Variants in MNAT1 observed in about 807,000 individuals in gnomAD.
MNAT1 encodes the protein MNAT1 component of CDK activating kinase.
MNAT1 carries 43 observed loss-of-function variants against 42.0 expected under a neutral mutation model. That is an observed-to-expected ratio of 1.02 (90% CI 0.80 to 1.32). MNAT1 has a LOEUF of 1.32. Among genes scored for constraint, MNAT1 ranks in the 40% most tolerant of loss-of-function variants. MNAT1 has a pLI of 0.00. For synonymous variants in MNAT1, 118 were observed against 120.0 expected (o/e 0.98, Z 0.11); for missense variants, 306 against 350.4 (o/e 0.87, Z 1.01).
At chr14:60,871,302 T>G (rs1164869033) in intron 6 of MNAT1, among the ~76,000 whole-genome samples, 1 of 152,210 alleles carries the variant, frequency 6.6e-6, no homozygotes, top group African/African-American at 2.4e-5. Flanking sequence ...GGGTAGATAC[T>G]TATAAGTGGA....
intron 1 of MNAT1, among the ~76,000 whole-genome samples, chr14:60,753,202 C>T (rs537708105): frequency 4.6e-5 from 7 of 152,292 alleles, no homozygotes; most frequent in Admixed American, 3.3e-4. Flanking sequence ...CTCAGGGTGT[C>T]TCATGAGATT....
chr14:60,831,253 C>T (rs1015869855), intron 6 of MNAT1, among the ~76,000 whole-genome samples: 15 of 152,002 alleles, frequency 9.9e-5, no homozygotes, highest in African/African-American at 2.9e-4. Context: ...TAGGTATACA[C>T]GAGCCATGGT....
chr14:60,950,657 A>T (rs1338166317), intron 7 of MNAT1, among the ~76,000 whole-genome samples: 3 of 152,146 alleles, frequency 2.0e-5, no homozygotes, highest in African/African-American at 7.2e-5. Flanking sequence ...GTGTGGCCCG[A>T]GACAATTTTT....
At chr14:60,797,930 AAAAAAT>A (rs1324737225) in intron 2 of MNAT1, among the ~76,000 whole-genome samples, 151 bp from the exon 3 acceptor site, 4 of 152,326 alleles carry the variant, frequency 2.6e-5, no homozygotes, top group African/African-American at 9.6e-5. Context: ...ACTCCATCTC[AAAAAAT>A]AAAAATAAAA....
intron 7 of MNAT1, among the ~76,000 whole-genome samples, chr14:60,939,557 A>C (rs1198709821): frequency 6.6e-6 from 1 of 152,114 alleles, no homozygotes; most frequent in Non-Finnish European, 1.5e-5. Context: ...TGAGTTTCTT[A>C]ATCCTGAATT....
At chr14:60,744,280 T>A (rs555874958) in intron 1 of MNAT1, among the ~76,000 whole-genome samples, 1 of 152,098 alleles carries the variant, frequency 6.6e-6, no homozygotes, top group Non-Finnish European at 1.5e-5. Flanking sequence ...TACAGGTGCC[T>A]GCTACCATGC....
At chr14:60,766,309 T>C (rs1431218569) in intron 1 of MNAT1, among the ~76,000 whole-genome samples, 2 of 146,646 alleles carry the variant, frequency 1.4e-5, no homozygotes, top group African/African-American at 5.1e-5. Context: ...ATAAAGCCAC[T>C]GCACTCCAGC....
chr14:60,786,192 C>G (rs2031645587), intron 1 of MNAT1, among the ~76,000 whole-genome samples: 1 of 151,596 alleles, frequency 6.6e-6, no homozygotes, highest in Admixed American at 6.6e-5. Context: ...TTTAAAAGGG[C>G]CTTTATACAA....
At chr14:60,919,401 A>T (rs542976498) in intron 7 of MNAT1, 2 of 156,700 alleles carry the variant, frequency 1.3e-5, no homozygotes, top group African/African-American at 4.8e-5. Context: ...GCTGCACATC[A>T]TGAAGCTAAT....
At chr14:60,756,784 C>T (rs1270283707) in intron 1 of MNAT1, among the ~76,000 whole-genome samples, 3 of 152,224 alleles carry the variant, frequency 2.0e-5, no homozygotes, top group African/African-American at 7.2e-5. Context: ...CAAAATAGAG[C>T]CATGTCTATT....
At chr14:60,891,109 T>C (rs2139486427) in intron 7 of MNAT1, among the ~76,000 whole-genome samples, 1 of 152,318 alleles carries the variant, frequency 6.6e-6, no homozygotes, top group East Asian at 1.9e-4. Flanking sequence ...TTTTAATTTC[T>C]TTAGAATTGG....
At chr14:60,877,672 T>TA (rs1362901078) in intron 6 of MNAT1, among the ~76,000 whole-genome samples, 1 of 151,992 alleles carries the variant, frequency 6.6e-6, no homozygotes, top group African/African-American at 2.4e-5. Flanking sequence ...GAACTAGGGT[T>TA]AAAATCAGCA....
intron 1 of MNAT1, among the ~76,000 whole-genome samples, chr14:60,772,312 CG>C (rs1212746009): frequency 2.6e-5 from 4 of 152,100 alleles, no homozygotes; most frequent in Non-Finnish European, 1.5e-5. Flanking sequence ...TGGCCGGGTG[CG>C]GTGGCTTATG....
At chr14:60,860,920 C>T (rs949847546) in intron 6 of MNAT1, among the ~76,000 whole-genome samples, 8 of 152,136 alleles carry the variant, frequency 5.3e-5, no homozygotes, top group African/African-American at 1.7e-4. Flanking sequence ...CTCATTACTT[C>T]ACCAAGAATA....
At chr14:60,837,759 C>CT (rs1447867445) in intron 6 of MNAT1, among the ~76,000 whole-genome samples, 1 of 152,352 alleles carries the variant, frequency 6.6e-6, no homozygotes, top group African/African-American at 2.4e-5. Flanking sequence ...ACTTTGCTGT[C>CT]TGTTTCCTTT....
intron 3 of MNAT1, among the ~76,000 whole-genome samples, chr14:60,806,449 G>A (rs563756589): frequency 1.3e-5 from 2 of 152,302 alleles, no homozygotes; most frequent in Non-Finnish European, 2.9e-5. Context: ...AGGACTGCTA[G>A]GTAGCAGTGG....
chr14:60,951,365 T>C (rs957713459), intron 7 of MNAT1, among the ~76,000 whole-genome samples: 19 of 149,598 alleles, frequency 1.3e-4, no homozygotes, highest in African/African-American at 4.4e-4. Context: ...GCTTTTCCCA[T>C]TGGAGTTTAA....
intron 1 of MNAT1, among the ~76,000 whole-genome samples, chr14:60,746,142 C>G (rs1896607514): frequency 6.6e-6 from 1 of 152,154 alleles, no homozygotes; most frequent in African/African-American, 2.4e-5. Context: ...AGCCATTTAA[C>G]TTTGGTTTGT....
At chr14:60,941,660 C>A (rs2036161720) in intron 7 of MNAT1, among the ~76,000 whole-genome samples, 1 of 151,392 alleles carries the variant, frequency 6.6e-6, no homozygotes, top group Non-Finnish European at 1.5e-5. Flanking sequence ...TAAGATTGTG[C>A]CACTGTACTC....
Sources: allele counts gnomAD v4.1 joint callset (sites outside exome capture counted in the v4.1 genomes callset), GRCh38; gene constraint gnomAD v4.1.1; transcripts MANE v1.5; gene names NCBI Gene and HGNC (gene_info 2026-07-23, HGNC 2026-07-21).